ZNF503: variants seen among roughly 807,000 people sequenced by gnomAD.
ZNF503 encodes zinc finger protein 503, also known as NocA-like zinc finger 2.
ZNF503 carries 15 observed loss-of-function variants against 34.4 expected under a neutral mutation model. The observed-to-expected ratio is 0.44, with a 90% CI of 0.29 to 0.67. The LOEUF (loss-of-function observed/expected upper bound fraction) is 0.67, where lower values mean the gene tolerates loss of function less well. Among genes scored for constraint, ZNF503 ranks in the 30% least tolerant of loss-of-function variants. ZNF503 has a pLI of 0.13. For synonymous variants in ZNF503, 580 were observed against 456.8 expected, an observed-to-expected ratio of 1.27 and a Z score of -3.44; for missense variants, 1,007 against 926.8, an observed-to-expected ratio of 1.09 and a Z score of -1.12.
the ZNF503 span, among the ~76,000 whole-genome samples, chr10:75,288,101 G>A: frequency 1.3e-5 from 2 of 152,270 alleles, no homozygotes; most frequent in Non-Finnish European, 2.9e-5. Context: ...AGGGCACTGA[G>A]TTCAAACACA....
the ZNF503 span, among the ~76,000 whole-genome samples, chr10:75,307,646 A>G: frequency 6.6e-6 from 1 of 152,260 alleles, no homozygotes; most frequent in Admixed American, 6.5e-5. Context: ...TAGGACTTTC[A>G]TAGATAGAGA....
the ZNF503 span, among the ~76,000 whole-genome samples, chr10:75,352,967 C>T: frequency 1.4e-4 from 22 of 152,316 alleles, no homozygotes; most frequent in Admixed American, 1.4e-3. Flanking sequence ...AGGGGGTGTT[C>T]TAGAGGAGCA....
the ZNF503 span, among the ~76,000 whole-genome samples, chr10:75,308,195 CTT>C: frequency 2.1e-4 from 28 of 133,212 alleles, no homozygotes; most frequent in Admixed American, 3.8e-4. Context: ...GACAATACAT[CTT>C]TTTTTTTTTT....
the ZNF503 span, among the ~76,000 whole-genome samples, chr10:75,368,800 GGT>G: frequency 6.6e-6 from 1 of 152,288 alleles, no homozygotes; most frequent in Admixed American, 6.5e-5. Flanking sequence ...TTCATTCAGG[GGT>G]GAGACTTTAA....
chr10:75,392,484 T>G, the ZNF503 span, among the ~76,000 whole-genome samples: 117 of 152,082 alleles, frequency 7.7e-4, 1 homozygote, highest in African/African-American at 2.7e-3. Flanking sequence ...GAAGAGGAGA[T>G]TTTTGAGAGC....
the ZNF503 span, among the ~76,000 whole-genome samples, chr10:75,347,923 G>T: frequency 7.2e-5 from 11 of 152,056 alleles, no homozygotes; most frequent in Non-Finnish European, 1.2e-4. Flanking sequence ...GTCCCATCTC[G>T]AGTGCAGTGG....
chr10:75,375,984 G>A, the ZNF503 span, among the ~76,000 whole-genome samples: 14 of 152,288 alleles, frequency 9.2e-5, no homozygotes, highest in East Asian at 5.8e-4. Context: ...AGTGGGAACC[G>A]GAGGTACTGC....
the ZNF503 span, among the ~76,000 whole-genome samples, chr10:75,303,029 A>G: frequency 3.3e-5 from 5 of 152,130 alleles, no homozygotes; most frequent in Non-Finnish European, 7.3e-5. Flanking sequence ...CTTTCTGGGG[A>G]GAGGTTTTGT....
At chr10:75,280,889 G>C in the ZNF503 span, among the ~76,000 whole-genome samples, 23,795 of 152,048 alleles carry the variant, frequency 0.16, 2,072 homozygotes, top group South Asian at 0.36. Flanking sequence ...GAAGAAACAG[G>C]GGTAGAATGT....
In ZNF503 at chr10:75,400,262, C is replaced by T. The variant is rs1238734398; in HGVS notation, c.428G>A (p.Gly143Asp). The stretch of plus-strand genomic sequence containing the variant: ...AGCACCGCCGCCGGCACCGCCCGCG[C>T]CGCCCCCGTTGGAGGCAACCGAGGA... ...KLSSVASNGG[G>D]AGGAGGGAAG... The change falls in exon 2 of 2, where the codon GGC becomes GAC. Residue 143 changes from glycine to aspartate, a missense_variant. Transcript: ENST00000372524. 2 of 1,613,026 alleles carry T rather than the reference C, an allele frequency of 1.2e-6. No individual in the cohort carries two copies. The highest frequency in any genetic ancestry group is 1.6e-4 in the Middle Eastern group (1 of 6,062).
the ZNF503 span, among the ~76,000 whole-genome samples, chr10:75,351,592 C>T: frequency 6.6e-6 from 1 of 152,178 alleles, no homozygotes; most frequent in Non-Finnish European, 1.5e-5. Flanking sequence ...GGGACTCTCC[C>T]CAGCTTCACC....
the ZNF503 span, among the ~76,000 whole-genome samples, chr10:75,385,666 C>A: frequency 1.3e-5 from 2 of 152,286 alleles, no homozygotes; most frequent in East Asian, 3.9e-4. Context: ...TACAATTTAG[C>A]CTTGGAAGTC....
At chr10:75,383,793 A>G in the ZNF503 span, among the ~76,000 whole-genome samples, 773 of 152,354 alleles carry the variant, frequency 5.1e-3, 2 homozygotes, top group Non-Finnish European at 6.5e-3. Context: ...AACAGACACC[A>G]GGTACAAACC....
At chr10:75,375,057 G>A in the ZNF503 span, among the ~76,000 whole-genome samples, 1 of 152,184 alleles carries the variant, frequency 6.6e-6, no homozygotes, top group South Asian at 2.1e-4. Flanking sequence ...AAAAGGCTGT[G>A]ATCCAATGAG....
the ZNF503 span, among the ~76,000 whole-genome samples, chr10:75,285,134 A>G: frequency 6.6e-6 from 1 of 152,234 alleles, no homozygotes; most frequent in Admixed American, 6.5e-5. Context: ...ATTTGTTATT[A>G]TTAGTGCTTA....
At chr10:75,388,181 C>T in the ZNF503 span, among the ~76,000 whole-genome samples, 13 of 152,228 alleles carry the variant, frequency 8.5e-5, no homozygotes, top group African/African-American at 2.4e-4. Context: ...GGGGCCTAGA[C>T]AGCTGGATCT....
chr10:75,340,629 G>A, the ZNF503 span, among the ~76,000 whole-genome samples: 135 of 151,726 alleles, frequency 8.9e-4, no homozygotes, highest in Admixed American at 2.2e-3. Flanking sequence ...ACAGAGTTTC[G>A]CTCTTGTTGC....
At chr10:75,389,873 G>T in the ZNF503 span, among the ~76,000 whole-genome samples, 1 of 152,124 alleles carries the variant, frequency 6.6e-6, no homozygotes, top group Non-Finnish European at 1.5e-5. Flanking sequence ...CTCCGTTTTG[G>T]GTTGGAGGCT....
chr10:75,400,835 C>G (rs1843791304), intron 1 of ZNF503, among the ~76,000 whole-genome samples: 1 of 152,182 alleles, frequency 6.6e-6, no homozygotes, highest in Admixed American at 6.5e-5. Context: ...GCCTTCGGTG[C>G]CGAGTGAAGG....
Sources: allele counts gnomAD v4.1 joint callset (sites outside exome capture counted in the v4.1 genomes callset), GRCh38; gene constraint gnomAD v4.1.1; transcripts MANE v1.5; gene names NCBI Gene and HGNC (gene_info 2026-07-23, HGNC 2026-07-21).